Variants in TMEM108 observed in about 807,000 individuals in gnomAD.
The protein encoded by TMEM108 is cancer/testis antigen 124.
In TMEM108, 12 loss-of-function variants were observed where a neutral mutation model predicts 35.1. The observed-to-expected ratio is 0.34, with a 90% confidence interval of 0.22 to 0.55. The LOEUF (loss-of-function observed/expected upper bound fraction) is 0.55, where lower values mean the gene tolerates loss of function less well. Among genes scored for constraint, TMEM108 ranks in the 20% least tolerant of loss-of-function variants. The pLI is 0.89. For missense variants in TMEM108, 680 were observed against 753.3 expected, an observed-to-expected ratio of 0.90 and a Z score of 1.14; for synonymous variants, 287 against 308.6, an observed-to-expected ratio of 0.93 and a Z score of 0.73.
In TMEM108 at chr3:133,056,146, TC is replaced by T. The variant is rs533434343; in HGVS notation, c.-47+10129del. Among the ~76,000 whole-genome samples the T allele has an allele frequency of 3.8e-4, 58 of 152,310 alleles. 3 individuals carry two copies. Among genetic ancestry groups the T allele is most frequent in the East Asian group, 3.7e-3 (19 of 5,184 alleles). On this transcript the variant is annotated intron_variant, in intron 2 of 5. Coordinates refer to ENST00000321871, the MANE Select transcript of TMEM108 (RefSeq NM_023943.4). ...TATTTTATTTCCAGAGTTCTATGGT[TC>T]CCACCTGGCTGCAGGACAAGGTGCT...
chr3:133,386,459 AT>A, intron 4 of TMEM108: 2 of 1,536,088 alleles, frequency 1.3e-6, no homozygotes, highest in East Asian at 2.4e-5. Flanking sequence ...CCTTCCACAA[AT>A]GTGAATACAG....
chr3:133,072,704 A>G (rs79719696), intron 2 of TMEM108, among the ~76,000 whole-genome samples: 2 of 152,148 alleles, frequency 1.3e-5, no homozygotes, highest in Admixed American at 6.5e-5. Context: ...AAAATGTACA[A>G]TTCAGTGATT....
chr3:133,106,376 A>G (rs866529787), intron 2 of TMEM108, among the ~76,000 whole-genome samples: 9 of 152,100 alleles, frequency 5.9e-5, no homozygotes, highest in African/African-American at 2.2e-4. Context: ...TCAGATTCCA[A>G]TCATTGACTG....
At chr3:133,214,765 C>G (rs1449877907) in intron 2 of TMEM108, among the ~76,000 whole-genome samples, 1 of 152,148 alleles carries the variant, frequency 6.6e-6, no homozygotes, top group Non-Finnish European at 1.5e-5. Context: ...GGTGAGGGAG[C>G]ATTACCAGCT....
At chr3:133,202,844 T>C (rs1246715995) in intron 2 of TMEM108, among the ~76,000 whole-genome samples, 3 of 152,230 alleles carry the variant, frequency 2.0e-5, no homozygotes, top group Non-Finnish European at 4.4e-5. Context: ...CAGTGGTAGC[T>C]TGATGGGGAT....
chr3:133,059,531 G>A (rs776370998), intron 2 of TMEM108, among the ~76,000 whole-genome samples: 28 of 152,082 alleles, frequency 1.8e-4, no homozygotes, highest in Non-Finnish European at 3.4e-4. Flanking sequence ...CTCCACTTTC[G>A]AATGAAAGGG....
intron 2 of TMEM108, among the ~76,000 whole-genome samples, chr3:133,213,784 G>C (rs911589497): frequency 2.0e-5 from 3 of 152,010 alleles, no homozygotes; most frequent in Non-Finnish European, 4.4e-5. Context: ...TTTCTTCCTG[G>C]AGTCATTATT....
intron 3 of TMEM108, among the ~76,000 whole-genome samples, chr3:133,294,384 A>G (rs1480942701): frequency 6.6e-6 from 1 of 152,214 alleles, no homozygotes; most frequent in African/African-American, 2.4e-5. Flanking sequence ...TTGAGAAGCT[A>G]AAGAAAACTA....
intron 1 of TMEM108, among the ~76,000 whole-genome samples, chr3:133,043,323 G>T (rs1943296434): frequency 6.6e-6 from 1 of 152,054 alleles, no homozygotes; most frequent in African/African-American, 2.4e-5. Flanking sequence ...CACAAAATAG[G>T]GTAAGAATTC....
chr3:133,388,432 C>T, intron 4 of TMEM108: 1 of 985,410 alleles, frequency 1.0e-6, no homozygotes, highest in Non-Finnish European at 1.2e-6. Context: ...GCACCACAGC[C>T]CCCTCCTTGC....
intron 2 of TMEM108, among the ~76,000 whole-genome samples, chr3:133,079,534 G>A (rs964537884): frequency 6.6e-6 from 1 of 152,148 alleles, no homozygotes; most frequent in Admixed American, 6.6e-5. Context: ...TTGTCCTCAC[G>A]TGGCAGAAAG....
intron 3 of TMEM108, among the ~76,000 whole-genome samples, chr3:133,252,969 A>T (rs1946492666): frequency 6.6e-6 from 1 of 152,220 alleles, no homozygotes; most frequent in African/African-American, 2.4e-5. Flanking sequence ...TCCTGGAACC[A>T]ATCCCTTCTA....
intron 2 of TMEM108, among the ~76,000 whole-genome samples, chr3:133,166,779 A>C (rs959343611): frequency 1.3e-5 from 2 of 152,218 alleles, no homozygotes; most frequent in Non-Finnish European, 2.9e-5. Context: ...ATTTATTGCA[A>C]AGAGCTAAAG....
chr3:133,235,517 T>G (rs1946222917), intron 3 of TMEM108, among the ~76,000 whole-genome samples: 1 of 152,156 alleles, frequency 6.6e-6, no homozygotes, highest in African/African-American at 2.4e-5. Flanking sequence ...TTTACCACTT[T>G]CTAGGTGACT....
chr3:133,332,111 CACACTT>C (rs2071402972), intron 3 of TMEM108, among the ~76,000 whole-genome samples: 1 of 150,706 alleles, frequency 6.6e-6, no homozygotes, highest in Non-Finnish European at 1.5e-5. Context: ...CACACACACA[CACACTT>C]ACCTAGACAC....
intron 1 of TMEM108, among the ~76,000 whole-genome samples, chr3:133,039,261 T>G (rs1943245106): frequency 2.0e-5 from 3 of 152,144 alleles, no homozygotes; most frequent in South Asian, 2.1e-4. Context: ...AAGATAGGGG[T>G]TTTTTTCGGA....
At chr3:133,098,514 A>T (rs1944045513) in intron 2 of TMEM108, among the ~76,000 whole-genome samples, 1 of 152,150 alleles carries the variant, frequency 6.6e-6, no homozygotes, top group Non-Finnish European at 1.5e-5. Context: ...GTCTTAACTC[A>T]TTTCAGCATT....
At chr3:133,235,577 G>A (rs1392684469) in intron 3 of TMEM108, among the ~76,000 whole-genome samples, 1 of 152,094 alleles carries the variant, frequency 6.6e-6, no homozygotes, top group Non-Finnish European at 1.5e-5. Flanking sequence ...TGTAAAATGG[G>A]ATGTGATCAC....
chr3:133,307,667 A>G (rs57631011), intron 3 of TMEM108, among the ~76,000 whole-genome samples: 6,592 of 152,226 alleles, frequency 0.043, 466 homozygotes, highest in African/African-American at 0.14. Flanking sequence ...GGTTTGTCAA[A>G]GATCAGATGG....
Sources: allele counts gnomAD v4.1 joint callset (sites outside exome capture counted in the v4.1 genomes callset), GRCh38; gene constraint gnomAD v4.1.1; transcripts MANE v1.5; gene names NCBI Gene and HGNC (gene_info 2026-07-23, HGNC 2026-07-21).